The following TRIM71 variants were observed in gnomAD, a reference collection of about 807,000 sequenced individuals.
TRIM71 encodes the protein E3 ubiquitin-protein ligase TRIM71.
A neutral mutation model predicts 61.2 loss-of-function variants in TRIM71; 9 were observed. That is an observed-to-expected ratio of 0.15 (90% CI 0.09 to 0.26). The LOEUF is 0.26. Among genes scored for constraint, TRIM71 ranks in the 10% least tolerant of loss-of-function variants. TRIM71 has a pLI of 1.00. For missense variants in TRIM71, 998 were observed against 1,238.7 expected (o/e 0.81, Z 2.92); for synonymous variants, 645 against 553.2 (o/e 1.17, Z -2.33).
chr3:32,855,813 C>G (rs1335242689), intron 1 of TRIM71, among the ~76,000 whole-genome samples: 2 of 152,070 alleles, frequency 1.3e-5, no homozygotes, highest in African/African-American at 4.8e-5. Flanking sequence ...GGCTAATGAG[C>G]TGCTTCTGTA....
Position 32,825,228 on chromosome 3 carries a change from GA to G in TRIM71, c.852+6302del, listed in dbSNP as rs555292187. On this transcript the variant is annotated intron_variant, in intron 1 of 3. Transcript: ENST00000383763. ...TAATTGGGCTTTATGTCTTTTCACT[GA>G]AAAAAGGAACTAATAATCGTGCATA... Among the ~76,000 whole-genome samples, 4 of 152,158 alleles carry G rather than the reference GA, an allele frequency of 2.6e-5. No individual in the cohort carries two copies. The East Asian group carries it at 7.7e-4, about 29-fold the overall frequency.
intron 1 of TRIM71, among the ~76,000 whole-genome samples, chr3:32,861,827 A>G (rs1296840707): frequency 6.6e-6 from 1 of 152,008 alleles, no homozygotes; most frequent in Non-Finnish European, 1.5e-5. Context: ...CTTGGAGACA[A>G]ATCTCCGTAA....
intron 1 of TRIM71, among the ~76,000 whole-genome samples, chr3:32,844,432 T>G (rs1696447585): frequency 6.6e-6 from 1 of 152,198 alleles, no homozygotes; most frequent in South Asian, 2.1e-4. Context: ...GGTCTCGGCC[T>G]GTCACTCAGG....
At chr3:32,831,344 A>G (rs1301380446) in intron 1 of TRIM71, among the ~76,000 whole-genome samples, 3 of 152,108 alleles carry the variant, frequency 2.0e-5, no homozygotes, top group African/African-American at 7.2e-5. Context: ...AGAGGTGGCT[A>G]CATCTTCCAG....
intron 1 of TRIM71, among the ~76,000 whole-genome samples, chr3:32,840,888 C>T (rs868239424): frequency 6.6e-5 from 10 of 152,144 alleles, no homozygotes; most frequent in African/African-American, 2.4e-4. Flanking sequence ...TCAGTCACCC[C>T]GGGCTGGTCT....
intron 3 of TRIM71, among the ~76,000 whole-genome samples, chr3:32,889,721 C>G (rs1375781396): frequency 6.6e-6 from 1 of 151,990 alleles, no homozygotes; most frequent in African/African-American, 2.4e-5. Context: ...TCCCAAATAG[C>G]TGGGATTACA....
intron 1 of TRIM71, among the ~76,000 whole-genome samples, chr3:32,838,456 C>G (rs905639477): frequency 1.3e-5 from 2 of 150,588 alleles, no homozygotes; most frequent in South Asian, 4.2e-4. Context: ...ACTCCTGACT[C>G]AAGTGATCCA....
intron 1 of TRIM71, among the ~76,000 whole-genome samples, chr3:32,856,176 C>G (rs1261378060): frequency 1.3e-5 from 2 of 152,120 alleles, no homozygotes; most frequent in African/African-American, 4.8e-5. Context: ...CGCCACCACG[C>G]CCGGCTATTT....
chr3:32,865,657 T>A (rs553906492), intron 1 of TRIM71, among the ~76,000 whole-genome samples: 1 of 152,174 alleles, frequency 6.6e-6, no homozygotes, highest in African/African-American at 2.4e-5. Context: ...TTCTGATAGT[T>A]CCTGTGAGCC....
intron 2 of TRIM71, among the ~76,000 whole-genome samples, chr3:32,882,363 C>G (rs1696919043): frequency 6.6e-6 from 1 of 152,052 alleles, no homozygotes; most frequent in South Asian, 2.1e-4. Flanking sequence ...ACCAGTTGTG[C>G]TAATTAATAA....
chr3:32,874,634 T>A (rs1333010325), intron 2 of TRIM71, among the ~76,000 whole-genome samples: 1 of 152,096 alleles, frequency 6.6e-6, no homozygotes, highest in Non-Finnish European at 1.5e-5. Context: ...GCCATTCTCC[T>A]GCCTCAGCCT....
intron 1 of TRIM71, among the ~76,000 whole-genome samples, chr3:32,861,866 T>A (rs1696672909): frequency 6.6e-6 from 1 of 152,020 alleles, no homozygotes. Flanking sequence ...CACCCACTCT[T>A]CCACACCCCC....
chr3:32,874,136 T>TTGGGAC (rs1381316540), intron 2 of TRIM71, 151 bp downstream of exon 2: 15 of 770,430 alleles, frequency 1.9e-5, no homozygotes, highest in Admixed American at 3.0e-5. Context: ...CAGCGGTCCC[T>TTGGGAC]TTAGGGGTTC....
At chr3:32,889,691 C>G (rs1176510078) in intron 3 of TRIM71, among the ~76,000 whole-genome samples, 1 of 151,518 alleles carries the variant, frequency 6.6e-6, no homozygotes, top group Non-Finnish European at 1.5e-5. Context: ...CGGGTTCAAG[C>G]GATTCTCCCC....
chr3:32,830,242 T>C (rs1696254278), intron 1 of TRIM71, among the ~76,000 whole-genome samples: 1 of 152,150 alleles, frequency 6.6e-6, no homozygotes, highest in Non-Finnish European at 1.5e-5. Context: ...TTTTGTTTTT[T>C]GTATTTTATC....
intron 1 of TRIM71, among the ~76,000 whole-genome samples, chr3:32,831,365 G>C: frequency 6.6e-6 from 1 of 152,008 alleles, no homozygotes. Context: ...ACCTATTTGT[G>C]GGGAGCTCTT....
chr3:32,835,290 A>T (rs747460305), intron 1 of TRIM71, among the ~76,000 whole-genome samples: 5 of 152,194 alleles, frequency 3.3e-5, no homozygotes, highest in Admixed American at 2.0e-4. Context: ...TAGCTTCAGC[A>T]GGTTAAGAAA....
In TRIM71 at chr3:32,892,117, G is replaced by C. The variant is rs770928557; in HGVS notation, c.*306G>C. On this transcript the variant is annotated 3_prime_UTR_variant, in exon 4 of 4. Transcript: ENST00000383763. ...GCAACAGGCCCTCTTCCCCTCCTCA[G>C]TGGAGTTTGCATTTCCCTCTTCCCC... The C allele has an allele frequency of 3.4e-6, 1 of 295,954 alleles. No individual in the cohort carries two copies. The highest frequency in any genetic ancestry group is 6.2e-6 in the Non-Finnish European group (1 of 160,110). The allele number at this position is 295,954 out of a possible 1,614,324, so 18.3% of individuals were successfully genotyped here.
chr3:32,842,510 T>C (rs751424364), intron 1 of TRIM71, among the ~76,000 whole-genome samples: 53 of 152,212 alleles, frequency 3.5e-4, no homozygotes, highest in Non-Finnish European at 4.3e-4. Context: ...ATTAAGCCAT[T>C]GTACCAGCAT....
Sources: gnomAD v4.1 joint callset for allele counts (sites outside exome capture counted in the v4.1 genomes callset) on GRCh38, gnomAD v4.1.1 for gene constraint, MANE v1.5 for transcripts, NCBI Gene and HGNC (gene_info 2026-07-23, HGNC 2026-07-21) for gene names.